The following PSD3 variants were observed in gnomAD, a reference collection of about 807,000 sequenced individuals.
PSD3 encodes pleckstrin and Sec7 domain containing 3.
Under a neutral mutation model 105.5 loss-of-function variants are expected in PSD3, and 49 were observed. That is an observed-to-expected ratio of 0.46 (90% CI 0.37 to 0.59). The LOEUF (loss-of-function observed/expected upper bound fraction) is 0.59, where lower values mean the gene tolerates loss of function less well. PSD3 is among the 20% of genes least tolerant of loss of function. The probability of loss-of-function intolerance (pLI) is 0.00; values close to 1 mark genes in which losing one functional copy is unlikely to be tolerated. For missense variants in PSD3, 1,561 were observed against 1,263.8 expected, an observed-to-expected ratio of 1.24 and a Z score of -3.57; for synonymous variants, 557 against 457.8, an observed-to-expected ratio of 1.22 and a Z score of -2.77.
exon 1 of PSD3, chr8:19,084,670 T>G (rs1200709995): frequency 2.9e-6 from 1 of 342,412 alleles, no homozygotes; most frequent in African/African-American, 2.1e-5. Context: ...GATTTTTTCC[T>G]CCCTTCCTTC....
chr8:18,747,651 A>T (rs1014836078), intron 9 of PSD3, among the ~76,000 whole-genome samples: 2 of 152,166 alleles, frequency 1.3e-5, no homozygotes, highest in South Asian at 4.1e-4. Context: ...TTATGGCTGG[A>T]TAGTGACAAG....
chr8:18,600,205 G>A (rs879745174), intron 12 of PSD3, among the ~76,000 whole-genome samples, 159 bp downstream of exon 12: 1 of 152,094 alleles, frequency 6.6e-6, no homozygotes, highest in Admixed American at 6.6e-5. Context: ...ACTTAAAATC[G>A]TTTATTTCTG....
At chr8:18,979,978 CATTATACACTGATCTATGTTTTGGCA>C (rs1395747073) in intron 1 of PSD3, among the ~76,000 whole-genome samples, 3 of 152,198 alleles carry the variant, frequency 2.0e-5, no homozygotes, top group South Asian at 2.1e-4. Flanking sequence ...AAGAATCACT[CATTATACACTGATCTATGTTTTGGCA>C]ATTATACACT....
intron 2 of PSD3, among the ~76,000 whole-genome samples, chr8:18,916,361 C>CAT (rs1820603986): frequency 1.4e-5 from 1 of 73,930 alleles, no homozygotes; most frequent in Non-Finnish European, 2.7e-5. Flanking sequence ...CACACACACA[C>CAT]ACACACACAC....
chr8:18,709,603 G>A (rs1802121128), intron 9 of PSD3, among the ~76,000 whole-genome samples: 1 of 152,134 alleles, frequency 6.6e-6, no homozygotes, highest in Non-Finnish European at 1.5e-5. Flanking sequence ...CTAGCATCAG[G>A]TCAGTGTCCC....
chr8:18,842,462 G>T (rs533721063), intron 4 of PSD3, among the ~76,000 whole-genome samples: 1 of 152,182 alleles, frequency 6.6e-6, no homozygotes, highest in East Asian at 1.9e-4. Context: ...GGCCGGGCGC[G>T]GTGGCTCACG....
intron 12 of PSD3, among the ~76,000 whole-genome samples, chr8:18,585,233 C>G (rs1483757403): frequency 6.6e-6 from 1 of 152,072 alleles, no homozygotes; most frequent in Admixed American, 6.6e-5. Context: ...GTTGAGAAGG[C>G]CTAACTCTTA....
At chr8:18,986,532 C>G (rs980771645) in intron 1 of PSD3, among the ~76,000 whole-genome samples, 1 of 149,190 alleles carries the variant, frequency 6.7e-6, no homozygotes, top group Non-Finnish European at 1.5e-5. Flanking sequence ...AGTCCATAAG[C>G]TCTTTCTTGA....
At chr8:18,582,816 CTTTTTTTTTTTTT>C (rs71217386) in intron 12 of PSD3, among the ~76,000 whole-genome samples, 96,953 of 125,812 alleles carry the variant, frequency 0.77, 36,875 homozygotes, top group South Asian at 0.92. Flanking sequence ...CCACACTGAT[CTTTTTTTTTTTTT>C]TTTTTTTTTT....
chr8:18,723,595 T>C (rs1803146762), intron 9 of PSD3, among the ~76,000 whole-genome samples: 1 of 152,200 alleles, frequency 6.6e-6, no homozygotes, highest in Non-Finnish European at 1.5e-5. Context: ...AAAAAAACCC[T>C]GTTCCTTCTG....
intron 10 of PSD3, among the ~76,000 whole-genome samples, chr8:18,650,948 C>G (rs1020030377): frequency 2.0e-5 from 3 of 152,146 alleles, no homozygotes; most frequent in African/African-American, 7.2e-5. Context: ...AAAATCCTGG[C>G]CTTCCCACCA....
At chr8:18,748,196 CA>C (rs1254590961) in intron 9 of PSD3, among the ~76,000 whole-genome samples, 2 of 152,154 alleles carry the variant, frequency 1.3e-5, no homozygotes, top group African/African-American at 4.8e-5. Flanking sequence ...TGAAGAAAAG[CA>C]ACTGTGGGCA....
chr8:18,792,292 G>A (rs1586011251), intron 8 of PSD3, among the ~76,000 whole-genome samples: 1 of 152,152 alleles, frequency 6.6e-6, no homozygotes, highest in East Asian at 1.9e-4. Context: ...ACTATTTACA[G>A]TAGGAAAGAC....
chr8:18,896,968 G>C (rs922376554), intron 2 of PSD3, among the ~76,000 whole-genome samples: 1 of 151,848 alleles, frequency 6.6e-6, no homozygotes, highest in Non-Finnish European at 1.5e-5. Context: ...GCACCACCAT[G>C]CTCGGCTAAT....
At chr8:18,616,050 T>G (rs538312878) in intron 11 of PSD3, among the ~76,000 whole-genome samples, 2 of 152,294 alleles carry the variant, frequency 1.3e-5, no homozygotes, top group Admixed American at 1.3e-4. Flanking sequence ...TTCCCCAACC[T>G]AGGAGCTCCA....
chr8:18,813,466 C>T (rs1046985317), intron 4 of PSD3, among the ~76,000 whole-genome samples: 2 of 152,130 alleles, frequency 1.3e-5, no homozygotes, highest in Non-Finnish European at 2.9e-5. Flanking sequence ...CTGGGAGAGG[C>T]TAGAGCACTC....
At chr8:19,022,541 C>G (rs1335245980) in intron 1 of PSD3, among the ~76,000 whole-genome samples, 36 of 152,170 alleles carry the variant, frequency 2.4e-4, no homozygotes, top group Admixed American at 2.4e-3. Context: ...TTCCCTAGTC[C>G]CTATCCCAAA....
chr8:18,573,700 A>G (rs372478661), intron 13 of PSD3, among the ~76,000 whole-genome samples: 3 of 152,326 alleles, frequency 2.0e-5, no homozygotes, highest in Admixed American at 6.5e-5. Flanking sequence ...AAAAGACCAC[A>G]TCATATATTA....
chr8:18,628,167 T>A (rs1382775063), intron 11 of PSD3, among the ~76,000 whole-genome samples: 1 of 151,712 alleles, frequency 6.6e-6, no homozygotes, highest in African/African-American at 2.4e-5. Flanking sequence ...ACAAGTCCCA[T>A]AACAGGAGTG....
Sources: gnomAD v4.1 joint callset for allele counts (sites outside exome capture counted in the v4.1 genomes callset) on GRCh38, gnomAD v4.1.1 for gene constraint, MANE v1.5 for transcripts, NCBI Gene and HGNC (gene_info 2026-07-23, HGNC 2026-07-21) for gene names.